The following LCORL variants were observed in gnomAD, a reference collection of about 807,000 sequenced individuals.
LCORL encodes the protein ligand dependent nuclear receptor corepressor like.
In LCORL, 41 loss-of-function variants were observed where a neutral mutation model predicts 141.8. The ratio of observed to expected loss-of-function variants is 0.29; its 90% CI spans 0.23 to 0.38. LCORL has a LOEUF of 0.38. Among genes scored for constraint, LCORL ranks in the 10% least tolerant of loss-of-function variants. LCORL has a pLI of 1.00. For missense variants in LCORL, 1,759 were observed against 2,035.0 expected (o/e 0.86, Z 2.61); for synonymous variants, 618 against 694.1 (o/e 0.89, Z 1.72).
intron 1 of LCORL, among the ~76,000 whole-genome samples, chr4:18,018,493 T>C (rs1391921775): frequency 6.6e-6 from 1 of 152,070 alleles, no homozygotes; most frequent in Non-Finnish European, 1.5e-5. Context: ...AGAACAGTAG[T>C]TAAAAATCTA....
At chr4:17,869,586 C>T (rs1726092617) in intron 7 of LCORL, among the ~76,000 whole-genome samples, 1 of 152,126 alleles carries the variant, frequency 6.6e-6, no homozygotes, top group African/African-American at 2.4e-5. Flanking sequence ...CTTTTGTATA[C>T]ATCCTTCCTT....
chr4:17,940,004 T>TATATGGTATATATGCATATATACACC (rs1737589959), intron 4 of LCORL, among the ~76,000 whole-genome samples: 1 of 149,782 alleles, frequency 6.7e-6, no homozygotes, highest in African/African-American at 2.5e-5. Flanking sequence ...ATATATACAC[T>TATATGGTATATATGCATATATACACC]ATATGGTATA....
intron 6 of LCORL, among the ~76,000 whole-genome samples, chr4:17,885,466 C>T (rs1432757877): frequency 6.6e-6 from 1 of 151,686 alleles, no homozygotes; most frequent in East Asian, 1.9e-4. Flanking sequence ...GACAAAAAAG[C>T]TTCCTATGCA....
intron 4 of LCORL, among the ~76,000 whole-genome samples, chr4:17,932,478 G>T (rs1736206296): frequency 6.6e-6 from 1 of 151,888 alleles, no homozygotes; most frequent in South Asian, 2.1e-4. Context: ...TGATATCTTT[G>T]ATTCCTAAAT....
chr4:18,000,276 C>T (rs1017484750), intron 1 of LCORL, among the ~76,000 whole-genome samples: 1 of 151,734 alleles, frequency 6.6e-6, no homozygotes, highest in Non-Finnish European at 1.5e-5. Context: ...ACACTTTGAA[C>T]TTGGTGAGAA....
chr4:17,923,061 C>G (rs575339353), intron 4 of LCORL, among the ~76,000 whole-genome samples: 1 of 152,294 alleles, frequency 6.6e-6, no homozygotes, highest in East Asian at 1.9e-4. Flanking sequence ...TAACTAAAGT[C>G]CCGGCAGGCC....
At chr4:17,986,015 AG>A (rs1718901964) in intron 1 of LCORL, among the ~76,000 whole-genome samples, 1 of 152,186 alleles carries the variant, frequency 6.6e-6, no homozygotes, top group Admixed American at 6.5e-5. Context: ...ACCTTTGCTT[AG>A]GAAGCTTAGT....
chr4:17,904,181 AG>A (rs1731285015), intron 5 of LCORL, among the ~76,000 whole-genome samples: 1 of 152,088 alleles, frequency 6.6e-6, no homozygotes, highest in Non-Finnish European at 1.5e-5. Flanking sequence ...ATAGAATAAA[AG>A]AATCCTATAT....
chr4:17,982,124 G>GTGTGTGTC (rs1315537573), intron 1 of LCORL, among the ~76,000 whole-genome samples: 19 of 150,542 alleles, frequency 1.3e-4, no homozygotes, highest in African/African-American at 4.2e-4. Flanking sequence ...GTGTGTGTGT[G>GTGTGTGTC]TGTGTGTGTG....
At chr4:17,938,058 T>G (rs997764581) in intron 4 of LCORL, among the ~76,000 whole-genome samples, 1 of 147,740 alleles carries the variant, frequency 6.8e-6, no homozygotes, top group Admixed American at 7.0e-5. Flanking sequence ...CAGGCTGGAG[T>G]GCAGTGGCGC....
intron 6 of LCORL, among the ~76,000 whole-genome samples, chr4:17,885,067 T>C (rs778302040): frequency 1.3e-5 from 2 of 151,978 alleles, no homozygotes; most frequent in South Asian, 2.1e-4. Flanking sequence ...GCAACACTTA[T>C]AAATTTTATT....
intron 5 of LCORL, among the ~76,000 whole-genome samples, chr4:17,888,032 A>G (rs1489119410): frequency 1.3e-5 from 2 of 152,118 alleles, no homozygotes; most frequent in Admixed American, 1.3e-4. Context: ...ACTTACTTAC[A>G]GTATTTAGTG....
rs925388911 is a variant in LCORL, at chr4:17,875,453, T to C, written c.3537A>G (p.Glu1179=). The C allele has an allele frequency of 5.7e-6, 7 of 1,231,296 alleles. No homozygotes were observed. In the African/African-American group the frequency reaches 1.1e-4, roughly 19 times the overall value. 76.3% of individuals were successfully genotyped at this position (1,231,296 alleles called of 1,614,324 possible). A position where few individuals can be genotyped will look rare whatever the true frequency, so the allele number is the denominator to read the frequency against. The change falls in exon 7 of 8, where the codon GAA becomes GAG. Residue 1179 remains glutamate, a synonymous_variant. Transcript: ENST00000635767. ...CACTAATATTTCTGGGACTATTATA[T>C]TCAGTTGGAAAATCACCAGCATTAT...
chr4:17,994,272 T>C (rs927782917), intron 1 of LCORL, among the ~76,000 whole-genome samples: 1 of 152,206 alleles, frequency 6.6e-6, no homozygotes, highest in African/African-American at 2.4e-5. Context: ...CTATTTTGTT[T>C]TATAATATTC....
chr4:18,015,448 T>C (rs1221838814), intron 1 of LCORL, among the ~76,000 whole-genome samples: 1 of 152,198 alleles, frequency 6.6e-6, no homozygotes, highest in African/African-American at 2.4e-5. Context: ...AAAATTTGCA[T>C]GCAAAATTCA....
chr4:17,902,458 C>T (rs1406713990), intron 5 of LCORL, among the ~76,000 whole-genome samples: 4 of 151,974 alleles, frequency 2.6e-5, no homozygotes, highest in South Asian at 2.1e-4. Context: ...AACAAAAGCT[C>T]GGCATAGAAA....
At chr4:17,986,410 C>T (rs988577746) in intron 1 of LCORL, among the ~76,000 whole-genome samples, 3 of 152,150 alleles carry the variant, frequency 2.0e-5, no homozygotes, top group African/African-American at 4.8e-5. Context: ...GTAGGCTTGG[C>T]CTCTTTACAT....
intron 4 of LCORL, among the ~76,000 whole-genome samples, chr4:17,940,888 T>C (rs752487545): frequency 6.6e-6 from 1 of 152,192 alleles, no homozygotes; most frequent in African/African-American, 2.4e-5. Context: ...AATAGTATCA[T>C]GAAAATTACA....
chr4:17,911,882 G>T, intron 4 of LCORL: 1 of 482,064 alleles, frequency 2.1e-6, no homozygotes. Context: ...ATGGCCGGGG[G>T]TCTGGCAGGA....
Sources: allele counts gnomAD v4.1 joint callset (sites outside exome capture counted in the v4.1 genomes callset), GRCh38; gene constraint gnomAD v4.1.1; transcripts MANE v1.5; gene names NCBI Gene and HGNC (gene_info 2026-07-23, HGNC 2026-07-21).